DHX37: variants seen among roughly 807,000 people sequenced by gnomAD.
DHX37 encodes the protein DEAH-box helicase 37.
A neutral mutation model predicts 134.3 loss-of-function variants in DHX37; 52 were observed. The observed-to-expected ratio is 0.39, with a 90% CI of 0.31 to 0.49. The LOEUF (loss-of-function observed/expected upper bound fraction) is 0.49. Ranked by LOEUF, DHX37 falls within the 20% of genes least tolerant of loss-of-function variation. The probability of loss-of-function intolerance (pLI) is 0.93; values close to 1 mark genes in which losing one functional copy is unlikely to be tolerated. For synonymous variants in DHX37, 634 were observed against 670.7 expected (o/e 0.95, Z 0.85); for missense variants, 1,344 against 1,580.8 (o/e 0.85, Z 2.54).
chr12:124,958,194 A>G (rs11830679), intron 16 of DHX37, among the ~76,000 whole-genome samples: 23,681 of 152,248 alleles, frequency 0.16, 4,677 homozygotes, highest in African/African-American at 0.47. Flanking sequence ...CTACTGACCC[A>G]CACACTTTCA....
intron 2 of DHX37, among the ~76,000 whole-genome samples, chr12:124,983,437 A>ACACACACACACACC (rs1226224599): frequency 6.6e-6 from 1 of 151,676 alleles, no homozygotes; most frequent in Non-Finnish European, 1.5e-5. Context: ...ACACACACAC[A>ACACACACACACACC]CACACACAGA....
At position 124,966,190 on chromosome 12, in the gene DHX37, C is replaced by A. The variant is rs1439741389; in HGVS notation, c.1591-378G>T. On this transcript the variant is annotated intron_variant, in intron 12 of 26. Transcript: ENST00000308736. ...GGAAAGCCCCTGCCAGCCCAGCCAT[C>A]CCAGAGTAGCTGGGAGTACAGGTGC... Among the ~76,000 whole-genome samples the A allele has an allele frequency of 2.6e-5, 4 of 152,140 alleles. No homozygotes were observed. The East Asian group carries it at 5.8e-4, about 22-fold the overall frequency.
intron 15 of DHX37, 122 bp downstream of exon 15, chr12:124,964,272 G>A (rs1954332391): frequency 6.8e-7 from 1 of 1,466,850 alleles, no homozygotes; most frequent in Admixed American, 2.5e-5. Context: ...CAAAGTCACA[G>A]GGGCCCGGCA....
chr12:124,979,472 A>G (rs7298067), intron 4 of DHX37, among the ~76,000 whole-genome samples: 8,565 of 152,266 alleles, frequency 0.056, 837 homozygotes, highest in African/African-American at 0.19. Context: ...TCACACCGTG[A>G]ATACTCGATA....
chr12:124,975,368 C>T, intron 6 of DHX37, 51 bp downstream of exon 6: 3 of 1,589,436 alleles, frequency 1.9e-6, no homozygotes, highest in Non-Finnish European at 2.6e-6. Flanking sequence ...CACATCTGGG[C>T]AAGGCCACAG....
chr12:124,980,430 C>T lies in DHX37; in HGVS notation c.738+60G>A. The stretch of plus-strand genomic sequence containing the variant: ...CCCTTGCCCCACTTCACCAGGACGC[C>T]CTCTGTGCGCCCCTTGCCCGCTAAC... On this transcript the variant is annotated intron_variant, in intron 4 of 26. Transcript: ENST00000308736. This position sits in a 1 kb window ranked among gnomAD's most constrained non-coding sequence, Gnocchi z 5.3. 6.4e-7 allele frequency: 1 copy of T among 1,558,020 alleles called. No homozygotes were observed. The highest frequency in any genetic ancestry group is 8.7e-7 in the Non-Finnish European group (1 of 1,152,492).
intron 2 of DHX37, among the ~76,000 whole-genome samples, chr12:124,984,994 G>A (rs1043188493): frequency 3.3e-5 from 5 of 152,176 alleles, no homozygotes; most frequent in Non-Finnish European, 7.3e-5. Context: ...AAAGGCCGAG[G>A]GAAGAGGGAG....
At chr12:124,975,988 C>T (rs1028200130) in intron 5 of DHX37, among the ~76,000 whole-genome samples, 16 of 152,332 alleles carry the variant, frequency 1.1e-4, no homozygotes, top group South Asian at 1.0e-3. Flanking sequence ...CCCACTGTGC[C>T]CAGCCTGTTT....
chr12:124,954,338 A>G, intron 18 of DHX37, 127 bp from the exon 19 acceptor site: 1 of 1,366,146 alleles, frequency 7.3e-7, no homozygotes. Context: ...AATGTAATTA[A>G]GGTATTAAGG....
chr12:124,967,021 T>C, intron 11 of DHX37, 102 bp downstream of exon 11: 2 of 1,537,334 alleles, frequency 1.3e-6, no homozygotes, highest in Middle Eastern at 1.8e-4. Context: ...GTGCTGATGC[T>C]TCCAGAGAGA....
chr12:124,960,873 T>C lies in DHX37; in HGVS notation c.2046-450A>G, dbSNP rs574328359. Among the ~76,000 whole-genome samples, 24 of 152,324 alleles carry C rather than the reference T, an allele frequency of 1.6e-4. 1 individual carries two copies. The South Asian group carries it at 2.3e-3, about 14-fold the overall frequency. On this transcript the variant is annotated intron_variant, in intron 15 of 26. Transcript: ENST00000308736. ...GGGAGGCTGAGGCAGGAGAATCACT[T>C]GAACCCAGGAGGCAAAGGTTGGGGT...
chr12:124,952,597 G>A lies in DHX37; in HGVS notation c.2696-27C>T, dbSNP rs775551696. 2.5e-5 allele frequency: 38 copies of A among 1,542,286 alleles called. 1 individual carries two copies. In the East Asian group the frequency reaches 3.8e-4, roughly 15 times the overall value. On this transcript the variant is annotated intron_variant, in intron 20 of 26. Coordinates refer to ENST00000308736, the MANE Select transcript of DHX37 (RefSeq NM_032656.4). ...TGAGGGGAGAACCAAGAGTGAGGTC[G>A]GTGGTGGCAAGGCCCGGAGCCAGCT...
At chr12:124,950,372 T>G in intron 23 of DHX37, 41 bp downstream of exon 23, 1 of 1,594,446 alleles carries the variant, frequency 6.3e-7, no homozygotes, top group Non-Finnish European at 8.5e-7. Context: ...AGCCCACGGC[T>G]GCAGGAGGCT....
chr12:124,975,721 G>A (rs374310375), intron 5 of DHX37, among the ~76,000 whole-genome samples: 2 of 152,146 alleles, frequency 1.3e-5, no homozygotes, highest in Non-Finnish European at 2.9e-5. Context: ...ACCATGCAGC[G>A]GACACCAGGC....
At chr12:124,952,306 G>T in intron 21 of DHX37, 92 bp downstream of exon 21, 2 of 1,380,108 alleles carry the variant, frequency 1.4e-6, no homozygotes, top group Non-Finnish European at 1.9e-6. Flanking sequence ...AGCTGAGAGG[G>T]AACAAGCCTC....
intron 21 of DHX37, 130 bp downstream of exon 21, chr12:124,952,268 C>T: frequency 1.1e-6 from 1 of 921,078 alleles, no homozygotes; most frequent in Non-Finnish European, 1.5e-6. Context: ...CTACTGCAAG[C>T]CCCACTTGTT....
At chr12:124,974,040 G>A (rs1011368190) in intron 6 of DHX37, among the ~76,000 whole-genome samples, 28 of 149,110 alleles carry the variant, frequency 1.9e-4, no homozygotes, top group Non-Finnish European at 3.1e-4. Context: ...TGCAAGCTCT[G>A]CCTCCTGGGT....
intron 20 of DHX37, 173 bp from the exon 21 acceptor site, chr12:124,952,743 C>A (rs562058607): frequency 1.0e-4 from 54 of 526,326 alleles, no homozygotes; most frequent in Admixed American, 2.0e-4. Flanking sequence ...GGCAGGATTG[C>A]AGCCGCCCCC....
rs1386674303 is a variant in DHX37 at position 124,960,310 on chromosome 12, A to G, written c.2157+2T>C. On this transcript the variant is annotated splice_donor_variant, in intron 16 of 26. Transcript: ENST00000308736. LOFTEE classifies it high-confidence loss of function. ...AGAGCGGGGCTGGGGGCAGCAACTG[A>G]CCTTTTCAACGTTGAGCGCCTTCAT... 6.2e-7 allele frequency: 1 copy of G among 1,611,050 alleles called. No homozygotes were observed. Among genetic ancestry groups the G allele is most frequent in the East Asian group, 2.2e-5 (1 of 44,810 alleles).
Sources: gnomAD v4.1 joint callset for allele counts (sites outside exome capture counted in the v4.1 genomes callset) on GRCh38, gnomAD v4.1.1 for gene constraint, Gnocchi (gnomAD v3.1) non-coding constraint, MANE v1.5 for transcripts, NCBI Gene and HGNC (gene_info 2026-07-23, HGNC 2026-07-21) for gene names.